EEA1: variants seen among roughly 807,000 people sequenced by gnomAD.
EEA1 encodes early endosome antigen 1.
EEA1 carries 111 observed loss-of-function variants against 209.2 expected under a neutral mutation model. The observed-to-expected ratio is 0.53, with a 90% CI of 0.45 to 0.62. The LOEUF (loss-of-function observed/expected upper bound fraction) is 0.62. EEA1 is among the 20% of genes least tolerant of loss of function. The pLI, the probability that EEA1 is intolerant of heterozygous loss-of-function variation, is 0.00. For missense variants in EEA1, 1,343 were observed against 1,530.8 expected (o/e 0.88, Z 2.05); for synonymous variants, 536 against 540.6 (o/e 0.99, Z 0.12).
intron 3 of EEA1, chr12:92,858,347 C>CATTGGAT: frequency 1.2e-6 from 1 of 835,954 alleles, no homozygotes; most frequent in Admixed American, 1.8e-5. Context: ...CTATTAAACA[C>CATTGGAT]ATTGGATATG....
chr12:92,794,480 C>G (rs1205290758), intron 21 of EEA1, among the ~76,000 whole-genome samples: 1 of 152,042 alleles, frequency 6.6e-6, no homozygotes, highest in Non-Finnish European at 1.5e-5. Flanking sequence ...GGAACCAACC[C>G]AAATGTCCAT....
At chr12:92,838,104 G>A (rs959811504) in intron 10 of EEA1, among the ~76,000 whole-genome samples, 2 of 152,176 alleles carry the variant, frequency 1.3e-5, no homozygotes, top group African/African-American at 4.8e-5. Context: ...ATTAAGATTA[G>A]TAGAAGGTCT....
intron 10 of EEA1, among the ~76,000 whole-genome samples, 190 bp from the exon 11 acceptor site, chr12:92,833,040 C>G (rs1876733219): frequency 6.6e-6 from 1 of 152,118 alleles, no homozygotes; most frequent in African/African-American, 2.4e-5. Context: ...TATTGGTCCA[C>G]TTAACTAAAA....
At position 92,770,831 on chromosome 12, in the gene EEA1, A is replaced by G. The variant is rs1565800110; in HGVS notation, c.*5180T>C. ...CTAAATTCCATTACTTTAAGATAGG[A>G]AGAAAAAAAAAATCTGGCTTTCACC... On this transcript the variant is annotated 3_prime_UTR_variant, in exon 29 of 29. Coordinates refer to ENST00000322349, the MANE Select transcript of EEA1 (RefSeq NM_003566.4). The G allele has an allele frequency of 7.3e-6, 1 of 137,374 alleles. No individual in the cohort carries two copies. The highest frequency in any genetic ancestry group is 1.7e-5 in the Non-Finnish European group (1 of 60,334). 8.5% of individuals were successfully genotyped at this position (137,374 alleles called of 1,614,324 possible). A position where few individuals can be genotyped will look rare whatever the true frequency, so the allele number is the denominator to read the frequency against.
chr12:92,924,997 C>T (rs1266627928), intron 1 of EEA1, among the ~76,000 whole-genome samples: 2 of 151,924 alleles, frequency 1.3e-5, no homozygotes, highest in African/African-American at 4.8e-5. Context: ...AACCAGGGCC[C>T]TCTTGCTGGG....
intron 10 of EEA1, among the ~76,000 whole-genome samples, chr12:92,835,065 TAG>T (rs1876852838): frequency 6.6e-6 from 1 of 151,922 alleles, no homozygotes; most frequent in Admixed American, 6.6e-5. Context: ...GTATTTTTAG[TAG>T]AGACGGGGTT....
intron 8 of EEA1, 103 bp downstream of exon 8, chr12:92,852,072 T>A (rs1182243331): frequency 2.0e-5 from 19 of 929,118 alleles, no homozygotes; most frequent in Non-Finnish European, 2.7e-5. Context: ...ATTTCCTGAT[T>A]TCACTCAAAT....
At chr12:92,921,916 T>C (rs945643063) in intron 1 of EEA1, among the ~76,000 whole-genome samples, 7 of 148,820 alleles carry the variant, frequency 4.7e-5, no homozygotes, top group African/African-American at 1.7e-4. Context: ...TATTAGAAGA[T>C]GGTCAGAGAA....
intron 3 of EEA1, chr12:92,859,140 G>A: frequency 7.1e-7 from 1 of 1,414,136 alleles, no homozygotes; most frequent in Admixed American, 1.8e-5. Flanking sequence ...TTATAAAGAA[G>A]AATTTTGATC....
In EEA1 at chr12:92,922,959, A is replaced by AAAAATAAAATAAAATAAAAT. The variant is rs77973737; in HGVS notation, c.24+6064_24+6083dup. Among the ~76,000 whole-genome samples, 819 of 145,576 alleles carry AAAAATAAAATAAAATAAAAT rather than the reference A, an allele frequency of 5.6e-3. 6 individuals carry two copies. Among genetic ancestry groups the AAAAATAAAATAAAATAAAAT allele is most frequent in the African/African-American group, 0.018 (722 of 39,044 alleles). ...GCCAACAAGAGCAAAACTCCACCTC[A>AAAAATAAAATAAAATAAAAT]AAAATAAAATAAAATAAAATAAAAT... On this transcript the variant is annotated intron_variant, in intron 1 of 28. Transcript: ENST00000322349.
chr12:92,779,972 A>T (rs1309667337), intron 24 of EEA1, among the ~76,000 whole-genome samples: 1 of 152,142 alleles, frequency 6.6e-6, no homozygotes, highest in Non-Finnish European at 1.5e-5. Flanking sequence ...TCATATTTTG[A>T]AATTTACTAC....
Position 92,827,974 on chromosome 12 carries a change from A to G in EEA1, c.1342T>C (p.Leu448=). The G allele has an allele frequency of 2.5e-6, 4 of 1,604,086 alleles. No individual in the cohort carries two copies. The highest frequency in any genetic ancestry group is 1.7e-4 in the Middle Eastern group (1 of 6,046). ...GCCACTTGTTGTTCTTTATCCATCAACTTTTCACTTGAAAGCTGTCTCTGT... is the reference window on the plus strand; with the variant it reads ...GCCACTTGTTGTTCTTTATCCATCAGCTTTTCACTTGAAAGCTGTCTCTGT... ...KEQRQLSSEK[L]MDKEQQVADL... The change falls in exon 12 of 29, where the codon TTG becomes CTG. Residue 448 remains leucine (L), a synonymous_variant. Coordinates refer to ENST00000322349, the MANE Select transcript of EEA1 (RefSeq NM_003566.4).
Position 92,778,803 on chromosome 12 carries a change from T to C in EEA1, c.3654+312A>G, listed in dbSNP as rs192677921. On this transcript the variant is annotated intron_variant, in intron 25 of 28. Transcript: ENST00000322349. ...TTTGACCCAACAAATGGGTTTAACA[T>C]GACTAGCATTCACACCATTTACCAG... Among the ~76,000 whole-genome samples, 26 of 152,216 alleles carry C rather than the reference T, an allele frequency of 1.7e-4. No individual in the cohort carries two copies. The East Asian group carries it at 4.8e-3, about 28-fold the overall frequency.
intron 1 of EEA1, among the ~76,000 whole-genome samples, chr12:92,897,495 T>C (rs1476690915): frequency 6.6e-6 from 1 of 152,204 alleles, no homozygotes; most frequent in African/African-American, 2.4e-5. Context: ...TAGGGGGTAT[T>C]TGGACCCAAG....
intron 16 of EEA1, 135 bp downstream of exon 16, chr12:92,812,845 C>T (rs1340778650): frequency 9.7e-6 from 5 of 516,310 alleles, no homozygotes. Flanking sequence ...TCAACTGGAA[C>T]TCATGGAGAA....
chr12:92,790,508 C>T (rs573769753), intron 21 of EEA1, among the ~76,000 whole-genome samples: 8 of 152,022 alleles, frequency 5.3e-5, no homozygotes, highest in Non-Finnish European at 1.0e-4. Flanking sequence ...ACAGCTGATT[C>T]GATCAAGTGG....
chr12:92,846,338 G>A (rs1877387069), intron 9 of EEA1, among the ~76,000 whole-genome samples: 1 of 152,116 alleles, frequency 6.6e-6, no homozygotes, highest in African/African-American at 2.4e-5. Context: ...AGACAAGACT[G>A]ACAAAAGTAC....
chr12:92,914,011 T>C (rs1028807524), intron 1 of EEA1, among the ~76,000 whole-genome samples: 4 of 152,232 alleles, frequency 2.6e-5, no homozygotes, highest in Non-Finnish European at 5.9e-5. Context: ...CTTTCGTATA[T>C]GGTGAACAAT....
At chr12:92,803,062 A>G (rs1592710132) in intron 18 of EEA1, among the ~76,000 whole-genome samples, 1 of 152,154 alleles carries the variant, frequency 6.6e-6, no homozygotes, top group East Asian at 1.9e-4. Flanking sequence ...TCTACTCTAT[A>G]ACAGCCAGAA....
Sources: allele counts gnomAD v4.1 joint callset (sites outside exome capture counted in the v4.1 genomes callset), GRCh38; gene constraint gnomAD v4.1.1; transcripts MANE v1.5; gene names NCBI Gene and HGNC (gene_info 2026-07-23, HGNC 2026-07-21).